GPC5: variants seen among roughly 807,000 people sequenced by gnomAD.
GPC5 encodes the protein glypican 5.
A neutral mutation model predicts 53.9 loss-of-function variants in GPC5; 47 were observed. The observed-to-expected ratio is 0.87, with a 90% confidence interval of 0.69 to 1.11. The LOEUF is 1.11. Among genes scored for constraint, GPC5 ranks in the 50% most tolerant of loss-of-function variants. GPC5 has a pLI of 0.00. For synonymous variants in GPC5, 286 were observed against 263.3 expected (o/e 1.09, Z -0.84); for missense variants, 748 against 713.1 (o/e 1.05, Z -0.56).
chr13:92,625,339 A>C (rs1885013424), intron 7 of GPC5, among the ~76,000 whole-genome samples: 1 of 152,216 alleles, frequency 6.6e-6, no homozygotes, highest in Non-Finnish European at 1.5e-5. Flanking sequence ...ATATATGACT[A>C]TTTTGGTCAT....
At chr13:92,463,430 G>C (rs951633391) in intron 7 of GPC5, among the ~76,000 whole-genome samples, 2 of 152,132 alleles carry the variant, frequency 1.3e-5, no homozygotes, top group Non-Finnish European at 2.9e-5. Flanking sequence ...AAAGGCTAGC[G>C]TTTGCCAGAT....
At chr13:92,066,115 G>C (rs2041165518) in intron 6 of GPC5, among the ~76,000 whole-genome samples, 1 of 152,010 alleles carries the variant, frequency 6.6e-6, no homozygotes, top group Admixed American at 6.6e-5. Flanking sequence ...AGAAGTTTAA[G>C]GAAAAATGTT....
chr13:92,385,549 CAT>C (rs1874630812), intron 7 of GPC5, among the ~76,000 whole-genome samples: 1 of 142,960 alleles, frequency 7.0e-6, no homozygotes, highest in African/African-American at 2.6e-5. Context: ...TGCATATATA[CAT>C]ATATGCATAT....
intron 2 of GPC5, among the ~76,000 whole-genome samples, chr13:91,628,819 G>A (rs141474850): frequency 6.6e-6 from 1 of 152,132 alleles, no homozygotes; most frequent in African/African-American, 2.4e-5. Flanking sequence ...TGGGGATCTT[G>A]TTCTAATGCA....
intron 2 of GPC5, among the ~76,000 whole-genome samples, chr13:91,657,287 G>A (rs2034869572): frequency 6.6e-6 from 1 of 152,114 alleles, no homozygotes; most frequent in African/African-American, 2.4e-5. Context: ...GGAGTGATGA[G>A]AAGAGTAAAG....
intron 7 of GPC5, among the ~76,000 whole-genome samples, chr13:92,548,404 T>C (rs1393251784): frequency 3.3e-5 from 5 of 151,324 alleles, no homozygotes; most frequent in Non-Finnish European, 7.4e-5. Context: ...TAAATATATA[T>C]GTCAACCAAC....
At chr13:91,659,554 A>G (rs1461537619) in intron 2 of GPC5, among the ~76,000 whole-genome samples, 1 of 152,234 alleles carries the variant, frequency 6.6e-6, no homozygotes, top group East Asian at 1.9e-4. Context: ...TTTCTAAGAT[A>G]TACCATTCAT....
At chr13:91,415,413 A>G (rs1039045951) in intron 1 of GPC5, among the ~76,000 whole-genome samples, 1 of 152,150 alleles carries the variant, frequency 6.6e-6, no homozygotes, top group African/African-American at 2.4e-5. Context: ...TGAAGCAGCA[A>G]GTAGGGCTAA....
chr13:92,189,581 A>G (rs1313651487), intron 7 of GPC5, among the ~76,000 whole-genome samples: 1 of 152,042 alleles, frequency 6.6e-6, no homozygotes, highest in Non-Finnish European at 1.5e-5. Context: ...CTGCCTTTCC[A>G]TACACGTGCA....
At chr13:92,697,652 TG>T (rs1887598365) in intron 7 of GPC5, among the ~76,000 whole-genome samples, 2 of 152,210 alleles carry the variant, frequency 1.3e-5, no homozygotes, top group African/African-American at 4.8e-5. Context: ...AGAGACAATT[TG>T]AGTTCCTCTT....
At chr13:92,787,677 A>AAAAAAAAG (rs1223027241) in intron 7 of GPC5, among the ~76,000 whole-genome samples, 2 of 149,548 alleles carry the variant, frequency 1.3e-5, no homozygotes, top group African/African-American at 2.5e-5. Flanking sequence ...CAAAAAAAAA[A>AAAAAAAAG]AAAAAAGAAA....
chr13:92,345,347 T>C (rs1264435499), intron 7 of GPC5, among the ~76,000 whole-genome samples: 1 of 152,126 alleles, frequency 6.6e-6, no homozygotes, highest in Non-Finnish European at 1.5e-5. Flanking sequence ...TACTTTCTAA[T>C]GTATGAAAGA....
intron 7 of GPC5, among the ~76,000 whole-genome samples, chr13:92,690,788 C>T (rs999815669): frequency 2.7e-5 from 2 of 72,940 alleles, no homozygotes; most frequent in Admixed American, 2.1e-4. Flanking sequence ...TTCTAACAGA[C>T]AGGACCCTCA....
At chr13:91,847,428 A>G (rs1178446587) in intron 5 of GPC5, among the ~76,000 whole-genome samples, 1 of 152,038 alleles carries the variant, frequency 6.6e-6, no homozygotes, top group Admixed American at 6.6e-5. Flanking sequence ...TAAGTACATC[A>G]TAGAGTTCAA....
chr13:92,748,645 T>C (rs1172170591), intron 7 of GPC5, among the ~76,000 whole-genome samples: 1 of 152,132 alleles, frequency 6.6e-6, no homozygotes, highest in Non-Finnish European at 1.5e-5. Context: ...AAATAATTTT[T>C]CTGAAGCCTG....
intron 7 of GPC5, among the ~76,000 whole-genome samples, chr13:92,207,645 C>T (rs2042347048): frequency 6.6e-6 from 1 of 152,208 alleles, no homozygotes; most frequent in Admixed American, 6.5e-5. Flanking sequence ...GACATATAAT[C>T]CAGCCCTTCT....
At chr13:92,337,589 C>G (rs1321282266) in intron 7 of GPC5, among the ~76,000 whole-genome samples, 1 of 152,082 alleles carries the variant, frequency 6.6e-6, no homozygotes, top group Non-Finnish European at 1.5e-5. Flanking sequence ...CAGTGTGGTA[C>G]TGACGAAAGA....
chr13:91,540,586 A>G (rs546466460), intron 2 of GPC5, among the ~76,000 whole-genome samples: 159 of 152,346 alleles, frequency 1.0e-3, no homozygotes, highest in Admixed American at 2.8e-3. Flanking sequence ...TGGATTGCAC[A>G]ATTGAAATGG....
At chr13:91,579,634 T>C (rs1317919015) in intron 2 of GPC5, among the ~76,000 whole-genome samples, 65 of 144,256 alleles carry the variant, frequency 4.5e-4, no homozygotes, top group Non-Finnish European at 7.0e-4. Context: ...CTTTTTTTTT[T>C]TTTTTTTTTT....
Sources: gnomAD v4.1 joint callset for allele counts (sites outside exome capture counted in the v4.1 genomes callset) on GRCh38, gnomAD v4.1.1 for gene constraint, MANE v1.5 for transcripts, NCBI Gene and HGNC (gene_info 2026-07-23, HGNC 2026-07-21) for gene names.